The following TMEM108 variants were observed in gnomAD, a reference collection of about 807,000 sequenced individuals.
TMEM108 encodes the protein transmembrane protein 108, also known as cancer/testis antigen 124.
TMEM108 carries 12 observed loss-of-function variants against 35.1 expected under a neutral mutation model. That is an observed-to-expected ratio of 0.34 (90% CI 0.22 to 0.55). The LOEUF (loss-of-function observed/expected upper bound fraction) is 0.55. TMEM108 is among the 20% of genes least tolerant of loss of function. TMEM108 has a pLI of 0.89. For missense variants in TMEM108, 680 were observed against 753.3 expected (o/e 0.90, Z 1.14); for synonymous variants, 287 against 308.6 (o/e 0.93, Z 0.73).
intron 3 of TMEM108, among the ~76,000 whole-genome samples, chr3:133,255,262 A>C (rs921201387): frequency 6.6e-6 from 1 of 152,222 alleles, no homozygotes; most frequent in African/African-American, 2.4e-5. Context: ...ACAGTCTGTT[A>C]CACTATATAA....
At chr3:133,332,114 A>ACACACACT (rs1491476508) in intron 3 of TMEM108, among the ~76,000 whole-genome samples, 1 of 148,750 alleles carries the variant, frequency 6.7e-6, no homozygotes, top group African/African-American at 2.5e-5. Context: ...ACACACACAC[A>ACACACACT]CTTACCTAGA....
At chr3:133,301,208 C>T (rs1302267974) in intron 3 of TMEM108, among the ~76,000 whole-genome samples, 2 of 152,122 alleles carry the variant, frequency 1.3e-5, no homozygotes, top group Non-Finnish European at 2.9e-5. Context: ...AAGCAAGGTG[C>T]CTCACTTCAT....
chr3:133,162,035 C>G (rs962166794), intron 2 of TMEM108, among the ~76,000 whole-genome samples: 2 of 152,152 alleles, frequency 1.3e-5, no homozygotes, highest in Non-Finnish European at 2.9e-5. Flanking sequence ...GTTTTTTAAC[C>G]TGCTAGACAT....
chr3:133,126,331 G>C (rs1944415955), intron 2 of TMEM108, among the ~76,000 whole-genome samples: 1 of 152,022 alleles, frequency 6.6e-6, no homozygotes, highest in Admixed American at 6.6e-5. Flanking sequence ...GCCAGGCATG[G>C]TGGCGAGCAC....
chr3:133,064,573 A>C (rs1464472505), intron 2 of TMEM108, among the ~76,000 whole-genome samples: 1 of 152,190 alleles, frequency 6.6e-6, no homozygotes, highest in Non-Finnish European at 1.5e-5. Flanking sequence ...GATTTTATGA[A>C]ATACTTGAAT....
At position 133,331,307 on chromosome 3, in the gene TMEM108, GA is replaced by G. The variant is rs1408707267; in HGVS notation, c.41-48439del. ...TGTCATCAGATGTCTTATTTGTAAT[GA>G]AAAAATGCTGGTTACACAGGAGGGA... On this transcript the variant is annotated intron_variant, in intron 3 of 5. Coordinates refer to ENST00000321871, the MANE Select transcript of TMEM108 (RefSeq NM_023943.4). Among the ~76,000 whole-genome samples the G allele has an allele frequency of 5.3e-5, 8 of 152,248 alleles. No individual in the cohort carries two copies. The East Asian group carries it at 1.5e-3, about 29-fold the overall frequency.
intron 3 of TMEM108, among the ~76,000 whole-genome samples, chr3:133,244,265 A>G (rs756746723): frequency 5.9e-5 from 9 of 152,226 alleles, no homozygotes; most frequent in Admixed American, 4.6e-4. Context: ...CATCATCATC[A>G]TGTGCTCCCC....
At chr3:133,131,832 A>C (rs142676987) in intron 2 of TMEM108, among the ~76,000 whole-genome samples, 2 of 152,286 alleles carry the variant, frequency 1.3e-5, no homozygotes, top group East Asian at 3.9e-4. Context: ...ACAAATGATA[A>C]GAAAGCAAAA....
At chr3:133,390,676 C>G (rs2107860391) in intron 5 of TMEM108, among the ~76,000 whole-genome samples, 1 of 152,282 alleles carries the variant, frequency 6.6e-6, no homozygotes, top group African/African-American at 2.4e-5. Flanking sequence ...CTAAGGGGCT[C>G]AGGTTCTGAG....
chr3:133,341,347 G>T (rs1961423), intron 3 of TMEM108, among the ~76,000 whole-genome samples: 48,208 of 151,326 alleles, frequency 0.32, 8,439 homozygotes, highest in East Asian at 0.48. Flanking sequence ...ATTAACCAAA[G>T]ATCTCTACAA....
Position 133,232,667 on chromosome 3 carries a change from A to T in TMEM108, c.40+3316A>T, listed in dbSNP as rs148033136. Among the ~76,000 whole-genome samples the T allele has an allele frequency of 7.0e-3, 1,060 of 152,364 alleles. 6 individuals are homozygous for T. The highest frequency in any genetic ancestry group is 0.011 in the Non-Finnish European group (752 of 68,028). On this transcript the variant is annotated intron_variant, in intron 3 of 5. Coordinates refer to ENST00000321871, the MANE Select transcript of TMEM108 (RefSeq NM_023943.4). ...GTATGTGCCCAGCTGGGGCTAAGGG[A>T]TGCAGTCTTTGGCAGGCAATGCTAT...
At chr3:133,112,032 CT>C (rs1944231122) in intron 2 of TMEM108, among the ~76,000 whole-genome samples, 1 of 152,122 alleles carries the variant, frequency 6.6e-6, no homozygotes, top group African/African-American at 2.4e-5. Context: ...AGTTTATATG[CT>C]TTATCCACAT....
chr3:133,361,304 T>TG lies in TMEM108; in HGVS notation c.41-18446dup, dbSNP rs148153830. 2.5e-3 allele frequency among the ~76,000 whole-genome samples: 376 copies of TG among 152,356 alleles called. 1 individual carries two copies. Among genetic ancestry groups the TG allele is most frequent in the African/African-American group, 8.5e-3 (354 of 41,594 alleles). On this transcript the variant is annotated intron_variant, in intron 3 of 5. Coordinates refer to ENST00000321871, the MANE Select transcript of TMEM108 (RefSeq NM_023943.4). ...CTAAGAGCAAGACAGTCCTGGACTG[T>TG]GGCTCAGCTCTGCTACATTCCAGCT...
At chr3:133,135,938 T>C (rs747558818) in intron 2 of TMEM108, among the ~76,000 whole-genome samples, 3 of 152,202 alleles carry the variant, frequency 2.0e-5, no homozygotes, top group African/African-American at 7.2e-5. Context: ...AAATGGTGCG[T>C]TGGTTTTAGA....
At chr3:133,126,547 AAATGT>A (rs1420765913) in intron 2 of TMEM108, among the ~76,000 whole-genome samples, 1 of 152,122 alleles carries the variant, frequency 6.6e-6, no homozygotes, top group African/African-American at 2.4e-5. Flanking sequence ...TGTCCAATAA[AAATGT>A]AATATAAACC....
At chr3:133,385,010 T>C (rs182925883) in intron 4 of TMEM108, among the ~76,000 whole-genome samples, 10 of 152,284 alleles carry the variant, frequency 6.6e-5, no homozygotes, top group Admixed American at 6.5e-4. Flanking sequence ...CTGGCCTCCT[T>C]CTAGACAGTG....
intron 2 of TMEM108, among the ~76,000 whole-genome samples, chr3:133,220,989 A>G (rs1945982064): frequency 6.6e-6 from 1 of 152,238 alleles, no homozygotes; most frequent in Non-Finnish European, 1.5e-5. Flanking sequence ...AGATAAAGAC[A>G]TAAATAGTGT....
At chr3:133,319,746 C>T (rs2071242759) in intron 3 of TMEM108, among the ~76,000 whole-genome samples, 1 of 152,118 alleles carries the variant, frequency 6.6e-6, no homozygotes, top group Non-Finnish European at 1.5e-5. Context: ...AGCCTGGTAG[C>T]CCCACTGGGT....
At chr3:133,393,790 C>T (rs1576548676) in intron 5 of TMEM108, among the ~76,000 whole-genome samples, 1 of 152,332 alleles carries the variant, frequency 6.6e-6, no homozygotes, top group Admixed American at 6.5e-5. Flanking sequence ...AAAACCAAAG[C>T]CAAAGGACAA....
Sources: allele counts gnomAD v4.1 joint callset (sites outside exome capture counted in the v4.1 genomes callset), GRCh38; gene constraint gnomAD v4.1.1; transcripts MANE v1.5; gene names NCBI Gene and HGNC (gene_info 2026-07-23, HGNC 2026-07-21).